The following LRRC75A variants were observed in gnomAD, a reference collection of about 807,000 sequenced individuals.
The protein encoded by LRRC75A is leucine-rich repeat-containing protein 75A.
In LRRC75A, 12 loss-of-function variants were observed where a neutral mutation model predicts 26.0. The observed-to-expected ratio is 0.46, with a 90% CI of 0.30 to 0.75. The LOEUF (loss-of-function observed/expected upper bound fraction) is 0.75. LRRC75A is among the 30% of genes least tolerant of loss of function. LRRC75A has a pLI of 0.08. For missense variants in LRRC75A, 410 were observed against 486.6 expected (o/e 0.84, Z 1.48); for synonymous variants, 223 against 219.3 (o/e 1.02, Z -0.15).
chr17:16,471,953 T>C (rs1430588095), intron 1 of LRRC75A, among the ~76,000 whole-genome samples: 1 of 151,910 alleles, frequency 6.6e-6, no homozygotes, highest in Non-Finnish European at 1.5e-5. Flanking sequence ...GGGTTTCAGT[T>C]TGAGGAAGAT....
At chr17:16,489,281 AC>A (rs1171141284) in intron 1 of LRRC75A, among the ~76,000 whole-genome samples, 2 of 152,286 alleles carry the variant, frequency 1.3e-5, no homozygotes, top group East Asian at 3.9e-4. Flanking sequence ...GGTGAGGGCT[AC>A]TGTCCTCGCT....
chr17:16,474,101 C>T (rs2093813881), intron 1 of LRRC75A, among the ~76,000 whole-genome samples: 1 of 152,130 alleles, frequency 6.6e-6, no homozygotes, highest in Admixed American at 6.5e-5. Context: ...AGTTGGGAGG[C>T]GCATCAAGCC....
At chr17:16,485,266 T>G (rs1022667629) in intron 1 of LRRC75A, among the ~76,000 whole-genome samples, 2 of 152,192 alleles carry the variant, frequency 1.3e-5, no homozygotes, top group Non-Finnish European at 2.9e-5. Context: ...CTCTCCATTC[T>G]CAAATGTATA....
rs5819572 is a variant in LRRC75A at position 16,441,919 on chromosome 17, CA to C, written c.*1668del. On this transcript the variant is annotated 3_prime_UTR_variant, in exon 4 of 4. Coordinates refer to ENST00000470794, the MANE Select transcript of LRRC75A (RefSeq NM_001113567.3). ...TTCATAAATTGGTTATGTTGGTGGG[CA>C]AAGTTCTTTAAGCTGGAAATTGTAA... 1 allele frequency: 152,311 copies of C among 152,812 alleles called. 75,908 individuals are homozygous for C. Among genetic ancestry groups the C allele is most frequent in the Middle Eastern group, 1 (294 of 294 alleles). The allele number at this position is 152,812 out of a possible 1,614,324, so 9.5% of individuals were successfully genotyped here. A position where few individuals can be genotyped will look rare whatever the true frequency, so the allele number is the denominator to read the frequency against.
chr17:16,454,871 G>C (rs2093663994), intron 2 of LRRC75A, among the ~76,000 whole-genome samples: 1 of 151,380 alleles, frequency 6.6e-6, no homozygotes, highest in South Asian at 2.1e-4. Context: ...TAATCCTCCT[G>C]TATCAGCCTC....
chr17:16,443,399 G>C lies in LRRC75A; in HGVS notation c.*189C>G, dbSNP rs531502257. 1.3e-5 allele frequency: 7 copies of C among 559,910 alleles called. No individual in the cohort carries two copies. Among genetic ancestry groups the C allele is most frequent in the African/African-American group, 1.1e-4 (6 of 53,566 alleles). The allele number at this position is 559,910 out of a possible 1,614,324, so 34.7% of individuals were successfully genotyped here. ...GATAATGGGATAGGGGGCAGATGCAGAGGACCAACGGGAAGTTTTAACACA... is the reference window on the plus strand; with the variant it reads ...GATAATGGGATAGGGGGCAGATGCACAGGACCAACGGGAAGTTTTAACACA... On this transcript the variant is annotated 3_prime_UTR_variant, in exon 4 of 4. Coordinates refer to ENST00000470794, the MANE Select transcript of LRRC75A (RefSeq NM_001113567.3).
intron 1 of LRRC75A, among the ~76,000 whole-genome samples, chr17:16,465,293 T>C (rs2093759344): frequency 6.6e-6 from 1 of 152,164 alleles, no homozygotes; most frequent in Non-Finnish European, 1.5e-5. Flanking sequence ...TAGCACTGGA[T>C]TTTAGGCCCT....
intron 2 of LRRC75A, among the ~76,000 whole-genome samples, chr17:16,457,885 G>A (rs2093697540): frequency 6.6e-6 from 1 of 152,066 alleles, no homozygotes; most frequent in Non-Finnish European, 1.5e-5. Context: ...GAGGTGGGAG[G>A]ATCACTTGAG....
At chr17:16,468,004 C>T (rs548935761) in intron 1 of LRRC75A, among the ~76,000 whole-genome samples, 2 of 152,318 alleles carry the variant, frequency 1.3e-5, no homozygotes, top group Non-Finnish European at 2.9e-5. Flanking sequence ...ATAAACTTAA[C>T]TTCTCTGGCC....
chr17:16,454,736 ACAAAAAAC>A (rs1189662101), intron 2 of LRRC75A, among the ~76,000 whole-genome samples: 1 of 151,828 alleles, frequency 6.6e-6, no homozygotes, highest in Non-Finnish European at 1.5e-5. Flanking sequence ...ATTCTAACAA[ACAAAAAAC>A]CAAAAAAACA....
At chr17:16,485,692 G>GTGTGTGTA (rs1419281662) in intron 1 of LRRC75A, among the ~76,000 whole-genome samples, 3 of 147,254 alleles carry the variant, frequency 2.0e-5, no homozygotes, top group South Asian at 2.1e-4. Flanking sequence ...GTGTGTGTGT[G>GTGTGTGTA]TATGCGTGGG....
chr17:16,446,649 T>C (rs1026689419), intron 3 of LRRC75A, among the ~76,000 whole-genome samples: 5 of 152,046 alleles, frequency 3.3e-5, no homozygotes, highest in African/African-American at 9.7e-5. Context: ...GAATGAGACC[T>C]CATGACATGG....
At position 16,443,625 on chromosome 17, in the gene LRRC75A, T is replaced by C. The variant is rs778323803; in HGVS notation, c.998A>G (p.His333Arg). 8 of 1,546,614 alleles carry C rather than the reference T, an allele frequency of 5.2e-6. No homozygotes were observed. Among genetic ancestry groups the C allele is most frequent in the South Asian group, 1.2e-5 (1 of 84,524 alleles). ...TGCAGCTACAGTCTCCTTGCCCTCA[T>C]GGTGGTCTTCGGCAGGTGCCACAGG... ...GGPVAPAEDH[H>R]EGKETVAAAQ... The change falls in exon 4 of 4, where the codon CAT becomes CGT. Residue 333 changes from histidine to arginine, a missense_variant. Transcript: ENST00000470794.
intron 2 of LRRC75A, among the ~76,000 whole-genome samples, chr17:16,448,452 C>T (rs1401499623): frequency 6.6e-6 from 1 of 152,194 alleles, no homozygotes; most frequent in Admixed American, 6.5e-5. Context: ...TTACCTGTGT[C>T]TCCCTCAAAA....
intron 1 of LRRC75A, among the ~76,000 whole-genome samples, chr17:16,478,066 C>T (rs1385300540): frequency 3.3e-5 from 5 of 151,894 alleles, no homozygotes; most frequent in African/African-American, 4.8e-5. Flanking sequence ...GGGTCTCTCT[C>T]GGTGGACTCC....
At chr17:16,457,174 C>T (rs532295904) in intron 2 of LRRC75A, among the ~76,000 whole-genome samples, 1 of 152,328 alleles carries the variant, frequency 6.6e-6, no homozygotes, top group African/African-American at 2.4e-5. Context: ...TCCAGGACCC[C>T]GACAAGCACA....
At chr17:16,486,341 C>G (rs2093847082) in intron 1 of LRRC75A, among the ~76,000 whole-genome samples, 1 of 152,134 alleles carries the variant, frequency 6.6e-6, no homozygotes, top group Non-Finnish European at 1.5e-5. Flanking sequence ...TCACCAGACC[C>G]TAAAGTCAGA....
chr17:16,455,114 G>A (rs541751607), intron 2 of LRRC75A, among the ~76,000 whole-genome samples: 2 of 151,590 alleles, frequency 1.3e-5, no homozygotes, highest in South Asian at 2.1e-4. Context: ...TGTATTTTTA[G>A]TAGAGACAGG....
chr17:16,452,989 C>T (rs2093645093), intron 2 of LRRC75A, among the ~76,000 whole-genome samples: 1 of 152,038 alleles, frequency 6.6e-6, no homozygotes, highest in Admixed American at 6.6e-5. Context: ...GGCAGCTGAG[C>T]CTTAAAAGAA....
Sources: gnomAD v4.1 joint callset for allele counts (sites outside exome capture counted in the v4.1 genomes callset) on GRCh38, gnomAD v4.1.1 for gene constraint, MANE v1.5 for transcripts, NCBI Gene and HGNC (gene_info 2026-07-23, HGNC 2026-07-21) for gene names.